Variants in ARHGAP24 observed in about 807,000 individuals in gnomAD.
ARHGAP24 encodes Rho GTPase activating protein 24.
Under a neutral mutation model 76.4 loss-of-function variants are expected in ARHGAP24, and 50 were observed. The ratio of observed to expected loss-of-function variants is 0.65; its 90% confidence interval spans 0.52 to 0.83. ARHGAP24 has a LOEUF of 0.83. Among genes scored for constraint, ARHGAP24 ranks in the 40% least tolerant of loss-of-function variants. ARHGAP24 has a pLI of 0.00. For synonymous variants in ARHGAP24, 345 were observed against 323.3 expected (o/e 1.07, Z -0.72); for missense variants, 930 against 914.2 (o/e 1.02, Z -0.22).
chr4:85,502,379 T>A (rs1723857205), intron 1 of ARHGAP24, among the ~76,000 whole-genome samples: 1 of 152,212 alleles, frequency 6.6e-6, no homozygotes, highest in African/African-American at 2.4e-5. Flanking sequence ...TCCATTTGTT[T>A]GTGTCCTCTT....
chr4:85,538,478 T>C (rs1725558709), intron 1 of ARHGAP24, among the ~76,000 whole-genome samples: 1 of 152,162 alleles, frequency 6.6e-6, no homozygotes, highest in African/African-American at 2.4e-5. Flanking sequence ...GAAAGGCAAC[T>C]ATACTTATTA....
At chr4:85,582,732 C>T (rs367881169) in intron 2 of ARHGAP24, among the ~76,000 whole-genome samples, 1 of 151,798 alleles carries the variant, frequency 6.6e-6, no homozygotes, top group East Asian at 1.9e-4. Flanking sequence ...CTAGTATTAC[C>T]GGGGGAAAAA....
At chr4:85,645,743 G>A (rs901084037) in intron 2 of ARHGAP24, among the ~76,000 whole-genome samples, 2 of 152,038 alleles carry the variant, frequency 1.3e-5, no homozygotes, top group Non-Finnish European at 2.9e-5. Context: ...TTTCTATAGT[G>A]TGCATTTAGA....
intron 2 of ARHGAP24, among the ~76,000 whole-genome samples, chr4:85,670,654 A>C (rs62315290): frequency 0.26 from 40,276 of 152,098 alleles, 7,470 homozygotes; most frequent in East Asian, 0.84. Context: ...TATTTATTTC[A>C]AACTCTCTTG....
At position 85,977,577 on chromosome 4, in the gene ARHGAP24, G is replaced by C; in HGVS notation, c.814G>C (p.Asp272His). 4 of 1,613,532 alleles carry C rather than the reference G, an allele frequency of 2.5e-6. No individual in the cohort carries two copies. Among genetic ancestry groups the C allele is most frequent in the Non-Finnish European group, 3.4e-6 (4 of 1,179,698 alleles). ...TATGCTTATACTCCATAGATTCTTG[G>C]ATGAAGTACAGTCCTACTCGGGAGT... Reference protein sequence around the residue: ...NLLKYICRFLDEVQSYSGVNK... With the variant: ...NLLKYICRFLHEVQSYSGVNK... Residue 272 changes from aspartate (D) to histidine (H), a missense_variant, in exon 8 of 10, where the codon GAT becomes CAT. By Grantham distance (81) the Asp-to-His change is moderately conservative (BLOSUM62 -1). Coordinates refer to ENST00000395184, the MANE Select transcript of ARHGAP24 (RefSeq NM_001025616.3).
At chr4:85,663,053 A>G (rs1722467911) in intron 2 of ARHGAP24, among the ~76,000 whole-genome samples, 1 of 152,042 alleles carries the variant, frequency 6.6e-6, no homozygotes, top group South Asian at 2.1e-4. Flanking sequence ...AATTCTCTAA[A>G]GAAAGTCATT....
chr4:85,972,538 A>G (rs1313431643), intron 6 of ARHGAP24, among the ~76,000 whole-genome samples: 3 of 152,100 alleles, frequency 2.0e-5, no homozygotes, highest in Non-Finnish European at 4.4e-5. Flanking sequence ...ACAAAATCCT[A>G]CCTACTGCTA....
chr4:85,733,251 GA>G (rs1272231534), intron 3 of ARHGAP24, among the ~76,000 whole-genome samples: 1 of 149,532 alleles, frequency 6.7e-6, no homozygotes, highest in East Asian at 2.0e-4. Context: ...TTTTAGCAGA[GA>G]CAGGGTTTCA....
rs375499495 is a variant in ARHGAP24, at chr4:85,965,572, CTCCCTCCTTTCTTTGGAAT to C, written c.600-6453_600-6435del. 3.9e-3 allele frequency among the ~76,000 whole-genome samples: 573 copies of C among 148,108 alleles called. 5 individuals are homozygous for C. The highest frequency in any genetic ancestry group is 0.014 in the African/African-American group (541 of 40,060). ...AACTCGTGACCATTACACATTGGAA[CTCCCTCCTTTCTTTGGAAT>C]TCCCTCCTTTGGAATTTTCCACTCC... On this transcript the variant is annotated intron_variant, in intron 5 of 9. Transcript: ENST00000395184.
At chr4:85,680,217 T>A (rs979564816) in intron 2 of ARHGAP24, among the ~76,000 whole-genome samples, 2 of 152,216 alleles carry the variant, frequency 1.3e-5, no homozygotes, top group African/African-American at 4.8e-5. Flanking sequence ...CCCATTGATA[T>A]GAAACTACCA....
chr4:85,545,869 CT>C (rs1227345597), intron 1 of ARHGAP24, among the ~76,000 whole-genome samples: 1 of 152,042 alleles, frequency 6.6e-6, no homozygotes, highest in African/African-American at 2.4e-5. Context: ...ACCAAGCCTA[CT>C]TTTTGTCATG....
At chr4:85,842,062 T>C (rs1730622800) in intron 3 of ARHGAP24, among the ~76,000 whole-genome samples, 1 of 152,206 alleles carries the variant, frequency 6.6e-6, no homozygotes, top group Admixed American at 6.5e-5. Flanking sequence ...ATTTGTATAC[T>C]ATATGTACTG....
intron 4 of ARHGAP24, among the ~76,000 whole-genome samples, chr4:85,941,217 G>T (rs1480848138): frequency 6.6e-6 from 1 of 152,038 alleles, no homozygotes; most frequent in Non-Finnish European, 1.5e-5. Flanking sequence ...TATTTCAAAA[G>T]TATTATCTCT....
rs1428263810 is a variant in ARHGAP24 at position 85,923,742 on chromosome 4, C to T, written c.363C>T (p.Arg121=). 1.9e-6 allele frequency: 3 copies of T among 1,613,948 alleles called. No homozygotes were observed. The highest frequency in any genetic ancestry group is 2.2e-5 in the South Asian group (2 of 91,084). ...NDMEDWVKSI[R]RVIWGPFGGG... ...TGGAAGACTGGGTGAAGTCAATCCG[C>T]CGAGTCATATGGGGACCTTTCGGAG... Residue 121 remains arginine (R), a synonymous_variant, in exon 4 of 10, where the codon CGC becomes CGT. Transcript: ENST00000395184.
At chr4:85,942,349 G>A in intron 5 of ARHGAP24, 76 bp downstream of exon 5, 1 of 1,495,778 alleles carries the variant, frequency 6.7e-7, no homozygotes, top group East Asian at 2.3e-5. Context: ...GAGCTGAGGA[G>A]GCATAACCTT....
At chr4:85,930,328 G>T (rs955254125) in intron 4 of ARHGAP24, 8 of 986,756 alleles carry the variant, frequency 8.1e-6, no homozygotes, top group East Asian at 1.1e-4. Context: ...ATCAAAGGAT[G>T]GGGGGTGCTA....
chr4:85,731,884 A>G (rs1446709833), intron 3 of ARHGAP24, among the ~76,000 whole-genome samples: 8 of 152,196 alleles, frequency 5.3e-5, no homozygotes, highest in Non-Finnish European at 1.2e-4. Context: ...TTATGTGTCA[A>G]TGTTTTTTAA....
At chr4:85,901,798 A>C (rs1261675464) in intron 3 of ARHGAP24, among the ~76,000 whole-genome samples, 1 of 151,096 alleles carries the variant, frequency 6.6e-6, no homozygotes, top group Non-Finnish European at 1.5e-5. Context: ...TTGGCAATCT[A>C]TCTGCCACAT....
At chr4:85,788,285 T>TA in intron 3 of ARHGAP24, among the ~76,000 whole-genome samples, 1 of 152,266 alleles carries the variant, frequency 6.6e-6, no homozygotes, top group East Asian at 1.9e-4. Context: ...CCTGGCAATA[T>TA]AAAAAAATAA....
Sources: allele counts gnomAD v4.1 joint callset (sites outside exome capture counted in the v4.1 genomes callset), GRCh38; gene constraint gnomAD v4.1.1; transcripts MANE v1.5; gene names NCBI Gene and HGNC (gene_info 2026-07-23, HGNC 2026-07-21).